Variants in SOBP observed in about 807,000 individuals in gnomAD.
SOBP encodes the protein sine oculis-binding protein homolog.
Under a neutral mutation model 53.6 loss-of-function variants are expected in SOBP, and 4 were observed. That is an observed-to-expected ratio of 0.07 (90% CI 0.04 to 0.17). The LOEUF (loss-of-function observed/expected upper bound fraction) is 0.17. Ranked by LOEUF, SOBP falls within the 10% of genes least tolerant of loss-of-function variation. The pLI, the probability that SOBP is intolerant of heterozygous loss-of-function variation, is 1.00. For missense variants in SOBP, 1,088 were observed against 1,204.7 expected (o/e 0.90, Z 1.43); for synonymous variants, 584 against 522.6 (o/e 1.12, Z -1.60).
intron 6 of SOBP, among the ~76,000 whole-genome samples, chr6:107,649,087 G>T (rs1269545533): frequency 1.3e-5 from 2 of 148,208 alleles, no homozygotes; most frequent in African/African-American, 5.0e-5. Context: ...AGGAGTTTGA[G>T]GCTGCAGTGA....
intron 4 of SOBP, among the ~76,000 whole-genome samples, chr6:107,548,533 C>T (rs191065396): frequency 1.4e-4 from 21 of 152,230 alleles, no homozygotes; most frequent in South Asian, 1.0e-3. Flanking sequence ...TGAGCCACCG[C>T]GCCCAGCCAA....
At chr6:107,563,477 A>G (rs1784827464) in intron 4 of SOBP, among the ~76,000 whole-genome samples, 1 of 152,150 alleles carries the variant, frequency 6.6e-6, no homozygotes, top group African/African-American at 2.4e-5. Flanking sequence ...CAGCAGATAA[A>G]TTTATCAATT....
chr6:107,526,565 A>G (rs1472852237), intron 3 of SOBP, among the ~76,000 whole-genome samples: 1 of 152,104 alleles, frequency 6.6e-6, no homozygotes, highest in East Asian at 1.9e-4. Flanking sequence ...AATGGCTCTC[A>G]CAACTGTCTG....
chr6:107,532,965 T>C (rs1783875470), intron 3 of SOBP, among the ~76,000 whole-genome samples: 1 of 152,120 alleles, frequency 6.6e-6, no homozygotes, highest in African/African-American at 2.4e-5. Flanking sequence ...GCACATATCA[T>C]TTAACAGTAA....
chr6:107,498,575 G>C (rs535414880), intron 1 of SOBP, among the ~76,000 whole-genome samples: 1 of 151,896 alleles, frequency 6.6e-6, no homozygotes, highest in East Asian at 1.9e-4. Flanking sequence ...GTCATTCACA[G>C]CTCCTCAGAA....
intron 4 of SOBP, among the ~76,000 whole-genome samples, chr6:107,573,957 C>T (rs966825164): frequency 2.0e-5 from 3 of 152,096 alleles, no homozygotes; most frequent in Non-Finnish European, 4.4e-5. Flanking sequence ...TCATTTTAGG[C>T]GCTTCATTAT....
chr6:107,534,883 C>T (rs868519836), intron 4 of SOBP, among the ~76,000 whole-genome samples: 4 of 152,234 alleles, frequency 2.6e-5, no homozygotes, highest in Non-Finnish European at 4.4e-5. Flanking sequence ...ACGGGAGACA[C>T]GTTTTGTTTT....
chr6:107,633,862 T>A lies in SOBP; in HGVS notation c.1018T>A (p.Cys340Ser), dbSNP rs767457517. 1 of 1,614,124 alleles carries A rather than the reference T, an allele frequency of 6.2e-7. No homozygotes were observed. The highest frequency in any genetic ancestry group is 8.5e-7 in the Non-Finnish European group (1 of 1,180,016). ...CGTCTCTCCATCTGACACTGCCAAC[T>A]GCTCTGTCACTAAAATCCCCACGCC... ...TTVSPSDTAN[C>S]SVTKIPTPVP... Residue 340 changes from cysteine (C) to serine (S), a missense_variant, in exon 6 of 7, where the codon TGC becomes AGC. Physicochemically the swap from Cys to Ser is moderately radical, Grantham distance 112. Around this residue, in one of 6 missense-constraint regions of SOBP, gnomAD observed 211 missense variants for 258.9 expected, o/e 0.82. Coordinates refer to ENST00000317357, the MANE Select transcript of SOBP (RefSeq NM_018013.4).
chr6:107,644,061 GGA>G (rs2115167882), intron 6 of SOBP, among the ~76,000 whole-genome samples: 1 of 152,320 alleles, frequency 6.6e-6, no homozygotes, highest in Admixed American at 6.5e-5. Flanking sequence ...CAGCACATTG[GGA>G]GGCCAAGGCG....
chr6:107,532,617 A>G (rs10457168), intron 3 of SOBP, among the ~76,000 whole-genome samples: 2,824 of 152,342 alleles, frequency 0.019, 43 homozygotes, highest in East Asian at 0.054. Context: ...AAGAAATACA[A>G]TTTAAATAAT....
In SOBP at chr6:107,521,955, CACACAA is replaced by C. The variant is rs1360820289; in HGVS notation, c.422-11501_422-11496del. Among the ~76,000 whole-genome samples the C allele has an allele frequency of 5.7e-5, 8 of 139,738 alleles. No homozygotes were observed. The East Asian group carries it at 6.1e-4, about 11-fold the overall frequency. 91.7% of individuals were successfully genotyped at this position (139,738 alleles called of 152,430 possible). On this transcript the variant is annotated intron_variant, in intron 3 of 6. Transcript: ENST00000317357. ...ACACACACACACACACACACACACA[CACACAA>C]ACTCAATCAAGTCTGAGAATTACCA...
intron 4 of SOBP, among the ~76,000 whole-genome samples, chr6:107,549,616 A>T (rs933341111): frequency 2.7e-5 from 4 of 148,596 alleles, no homozygotes; most frequent in Non-Finnish European, 4.5e-5. Context: ...CCTTTTGCTC[A>T]TTTTTTTTTT....
At chr6:107,584,142 C>T (rs1284719728) in intron 4 of SOBP, among the ~76,000 whole-genome samples, 4 of 151,944 alleles carry the variant, frequency 2.6e-5, no homozygotes, top group South Asian at 2.1e-4. Flanking sequence ...CGGCAGTTCT[C>T]GCCCTTCTTT....
At chr6:107,490,785 A>G in intron 1 of SOBP, 73 bp downstream of exon 1, 1 of 1,170,630 alleles carries the variant, frequency 8.5e-7, no homozygotes, top group Non-Finnish European at 1.2e-6. Context: ...CGTGGTATGG[A>G]TCTGGGGGGT....
chr6:107,565,687 T>G (rs1270335588), intron 4 of SOBP, among the ~76,000 whole-genome samples: 2 of 152,104 alleles, frequency 1.3e-5, no homozygotes, highest in South Asian at 4.1e-4. Flanking sequence ...AATTGTAGAA[T>G]ATGCACCTAA....
chr6:107,526,985 A>C (rs903459889), intron 3 of SOBP, among the ~76,000 whole-genome samples: 1 of 152,226 alleles, frequency 6.6e-6, no homozygotes, highest in Non-Finnish European at 1.5e-5. Flanking sequence ...TAGGTACTAC[A>C]AAGACTCATG....
At chr6:107,509,058 TC>T (rs1335257717) in intron 3 of SOBP, among the ~76,000 whole-genome samples, 2 of 152,170 alleles carry the variant, frequency 1.3e-5, no homozygotes, top group African/African-American at 4.8e-5. Flanking sequence ...AAAATGGGGA[TC>T]CCAGCCCTAC....
Position 107,591,840 on chromosome 6 carries a change from A to G in SOBP, c.669+4665A>G, listed in dbSNP as rs184071287. On this transcript the variant is annotated intron_variant, in intron 5 of 6. Coordinates refer to ENST00000317357, the MANE Select transcript of SOBP (RefSeq NM_018013.4). ...ATGAACCCCCATGTTCCTTTCACCTAGCTTCAACAATTATCAACTCAGGAC... is the reference window on the plus strand; with the variant it reads ...ATGAACCCCCATGTTCCTTTCACCTGGCTTCAACAATTATCAACTCAGGAC... 1.6e-4 allele frequency among the ~76,000 whole-genome samples: 24 copies of G among 152,236 alleles called. 1 individual carries two copies. Among genetic ancestry groups the G allele is most frequent in the Admixed American group, 1.5e-3 (23 of 15,292 alleles).
chr6:107,550,584 A>G, intron 4 of SOBP, among the ~76,000 whole-genome samples: 1 of 152,220 alleles, frequency 6.6e-6, no homozygotes, highest in Non-Finnish European at 1.5e-5. Context: ...GATGTGAGGC[A>G]TGCTGGAACT....
Sources: allele counts gnomAD v4.1 joint callset (sites outside exome capture counted in the v4.1 genomes callset), GRCh38; gene constraint gnomAD v4.1.1; regional missense constraint gnomAD v4.1.1; transcripts MANE v1.5; gene names NCBI Gene and HGNC (gene_info 2026-07-23, HGNC 2026-07-21).